UGT2B28: variants seen among roughly 807,000 people sequenced by gnomAD.
The protein encoded by UGT2B28 is UDP-glucuronosyltransferase 2B28.
UGT2B28 carries 45 observed loss-of-function variants against 43.6 expected under a neutral mutation model. The ratio of observed to expected loss-of-function variants is 1.03; its 90% CI spans 0.81 to 1.32. The LOEUF is 1.32. Ranked by LOEUF, UGT2B28 falls within the 40% of genes most tolerant of loss-of-function variation. The probability of loss-of-function intolerance (pLI) is 0.00; values close to 1 mark genes in which losing one functional copy is unlikely to be tolerated. For missense variants in UGT2B28, 649 were observed against 625.5 expected (o/e 1.04, Z -0.40); for synonymous variants, 204 against 208.1 (o/e 0.98, Z 0.17).
At position 69,290,583 on chromosome 4, in the gene UGT2B28, C is replaced by G; in HGVS notation, c.1091-9C>G. ...ATGAATAATTTTGCTAAAATTCATC[C>G]AATCCTAGGTCTTCCAAAAACCAGA... On this transcript the variant is annotated splice_polypyrimidine_tract_variant and intron_variant, in intron 4 of 5. Coordinates refer to ENST00000335568, the MANE Select transcript of UGT2B28 (RefSeq NM_053039.2). 6.5e-7 allele frequency: 1 copy of G among 1,542,826 alleles called. No individual in the cohort carries two copies. Among genetic ancestry groups the G allele is most frequent in the Non-Finnish European group, 8.7e-7 (1 of 1,143,570 alleles).
chr4:69,286,895 T>G lies in UGT2B28; in HGVS notation c.1002+12T>G, dbSNP rs202074826. The G allele has an allele frequency of 3.1e-4, 488 of 1,549,724 alleles. 55 individuals carry two copies. The highest frequency in any genetic ancestry group is 3.5e-4 in the Non-Finnish European group (398 of 1,150,832). On this transcript the variant is annotated intron_variant, in intron 3 of 5. Transcript: ENST00000335568. Reference sequence around the variant, plus strand: ...AGATCCCACAAAAGGTAAGATAAAGTGCCTTACTGGTGTGGAAAACTACTG... The same window carrying G: ...AGATCCCACAAAAGGTAAGATAAAGGGCCTTACTGGTGTGGAAAACTACTG...
chr4:69,285,430 G>T (rs1449896261), intron 2 of UGT2B28, among the ~76,000 whole-genome samples: 1 of 139,040 alleles, frequency 7.2e-6, no homozygotes, highest in South Asian at 2.4e-4. Flanking sequence ...CTTCAACACT[G>T]GGTAGAAAAA....
At chr4:69,281,420 T>C (rs551933809) in intron 1 of UGT2B28, among the ~76,000 whole-genome samples, 199 bp downstream of exon 1, 6 of 140,524 alleles carry the variant, frequency 4.3e-5, no homozygotes, top group Admixed American at 3.6e-4. Flanking sequence ...CCTGTGGCCA[T>C]CACTCATACA....
rs1189515458 is a variant in UGT2B28, at chr4:69,280,653, T to A, written c.153T>A (p.His51Gln). The A allele has an allele frequency of 1.4e-5, 22 of 1,561,554 alleles. 2 individuals are homozygous for A. The highest frequency in any genetic ancestry group is 1.9e-5 in the Non-Finnish European group (22 of 1,156,246). ...TILKELVQRG[H>Q]EVTVLASSAS... ...TGAAAGAGCTTGTTCAGAGAGGTCA[T>A]GAGGTGACTGTACTGGCATCTTCAG... The change falls in exon 1 of 6, where the codon CAT (histidine) becomes CAA (glutamine). Residue 51 changes from histidine (H) to glutamine (Q), a missense_variant. Coordinates refer to ENST00000335568, the MANE Select transcript of UGT2B28 (RefSeq NM_053039.2).
intron 5 of UGT2B28, among the ~76,000 whole-genome samples, chr4:69,293,065 C>T (rs1261042610): frequency 2.9e-5 from 4 of 140,250 alleles, no homozygotes; most frequent in Non-Finnish European, 6.1e-5. Context: ...ATCTATTCAT[C>T]GTAAAATGAA....
chr4:69,290,353 C>T lies in UGT2B28; in HGVS notation c.1091-239C>T, dbSNP rs1330591347. On this transcript the variant is annotated intron_variant, in intron 4 of 5. Transcript: ENST00000335568. ...GTGCACATTTAAAAAATCTAGAATGCACTTTTCATTAGTCCCGCTGAAAAT... is the reference window on the plus strand; with the variant it reads ...GTGCACATTTAAAAAATCTAGAATGTACTTTTCATTAGTCCCGCTGAAAAT... Among the ~76,000 whole-genome samples the T allele has an allele frequency of 1.4e-5, 2 of 139,912 alleles. 1 individual carries two copies. The highest frequency in any genetic ancestry group is 3.0e-5 in the Non-Finnish European group (2 of 65,696). The allele number at this position is 139,912 out of a possible 152,430, so 91.8% of individuals were successfully genotyped here.
chr4:69,291,302 CAG>C (rs1180506626), intron 5 of UGT2B28, among the ~76,000 whole-genome samples: 1 of 139,976 alleles, frequency 7.1e-6, no homozygotes, highest in African/African-American at 2.8e-5. Context: ...ACTATGTTTA[CAG>C]AGTCATGAAA....
At chr4:69,282,036 T>C (rs536540897) in intron 1 of UGT2B28, among the ~76,000 whole-genome samples, 5 of 140,202 alleles carry the variant, frequency 3.6e-5, no homozygotes, top group South Asian at 2.4e-4. Flanking sequence ...ATTTCTGCCA[T>C]ACTCTCAAAA....
chr4:69,292,659 T>C (rs1361962275), intron 5 of UGT2B28, among the ~76,000 whole-genome samples: 1 of 139,898 alleles, frequency 7.1e-6, no homozygotes, highest in African/African-American at 2.8e-5. Flanking sequence ...TACACATATA[T>C]GTATTGTATA....
At chr4:69,291,130 T>G (rs1321281981) in intron 5 of UGT2B28, among the ~76,000 whole-genome samples, 2 of 140,690 alleles carry the variant, frequency 1.4e-5, no homozygotes, top group Admixed American at 7.1e-5. Flanking sequence ...ACTTGAAATA[T>G]TATAAAATGT....
At chr4:69,286,931 T>C in intron 3 of UGT2B28, 48 bp downstream of exon 3, 5 of 1,444,222 alleles carry the variant, frequency 3.5e-6, no homozygotes, top group Non-Finnish European at 4.5e-6. Flanking sequence ...AAAGAGGCTG[T>C]TAAAGTTTGA....
At chr4:69,284,537 A>C (rs973024357) in intron 2 of UGT2B28, among the ~76,000 whole-genome samples, 2 of 140,268 alleles carry the variant, frequency 1.4e-5, no homozygotes, top group Admixed American at 7.2e-5. Context: ...CTAATGAAAA[A>C]TCTGCGCCAC....
chr4:69,290,055 C>T (rs1165886745), intron 4 of UGT2B28, among the ~76,000 whole-genome samples: 1 of 140,010 alleles, frequency 7.1e-6, no homozygotes, highest in Non-Finnish European at 1.5e-5. Flanking sequence ...AACTTTACAC[C>T]TGTTTTCTCC....
At chr4:69,282,457 G>C in intron 1 of UGT2B28, 57 bp from the exon 2 acceptor site, 4 of 1,492,116 alleles carry the variant, frequency 2.7e-6, no homozygotes, top group Non-Finnish European at 3.5e-6. Flanking sequence ...CTTTCAGAAA[G>C]TTATGTAAAG....
intron 2 of UGT2B28, 122 bp from the exon 3 acceptor site, chr4:69,286,630 T>C: frequency 7.5e-7 from 1 of 1,336,834 alleles, no homozygotes; most frequent in Non-Finnish European, 9.9e-7. Context: ...AGTTAAAAAA[T>C]ATTATTTACT....
Position 69,286,804 on chromosome 4 carries a change from C to G in UGT2B28, c.923C>G (p.Ser308Cys). The change falls in exon 3 of 6, where the codon TCT becomes TGT. Residue 308 changes from serine (S) to cysteine (C), a missense_variant. Transcript: ENST00000335568. ...SSGENGVVVF[S>C]LGSVISNMTA... is the part of the protein sequence containing the mutation. ...GGTGAAAATGGTGTTGTGGTGTTTTCTCTGGGGTCAGTGATAAGTAACATG... is the reference window on the plus strand; with the variant it reads ...GGTGAAAATGGTGTTGTGGTGTTTTGTCTGGGGTCAGTGATAAGTAACATG... The G allele has an allele frequency of 6.4e-7, 1 of 1,556,568 alleles. No homozygotes were observed. Among genetic ancestry groups the G allele is most frequent in the Non-Finnish European group, 8.7e-7 (1 of 1,154,562 alleles).
chr4:69,290,931 C>A, intron 5 of UGT2B28, 120 bp downstream of exon 5: 1 of 1,264,322 alleles, frequency 7.9e-7, no homozygotes, highest in Admixed American at 2.9e-5. Context: ...AATGATTTAA[C>A]CAATCTGAAA....
At chr4:69,288,439 T>A (rs1577995281) in intron 3 of UGT2B28, among the ~76,000 whole-genome samples, 1 of 139,848 alleles carries the variant, frequency 7.2e-6, no homozygotes, top group South Asian at 2.4e-4. Flanking sequence ...ATATTACAAT[T>A]AAATTTGGAG....
rs1723590918 is a variant in UGT2B28 at position 69,281,055 on chromosome 4, A to G, written c.555A>G (p.Gly185=). ...GCTACACAATTGAAAGGCACAGTGG[A>G]GGACTGATTTTCCCTCCTTCCTACA... is the stretch of plus-strand genomic sequence containing the variant. ...TPGYTIERHS[G]GLIFPPSYIP... is the part of the protein sequence containing the mutation. The change falls in exon 1 of 6, where the codon GGA becomes GGG. Residue 185 remains glycine, a synonymous_variant. Transcript: ENST00000335568. The G allele has an allele frequency of 6.4e-7, 1 of 1,559,600 alleles. No individual in the cohort carries two copies. Among genetic ancestry groups the G allele is most frequent in the Non-Finnish European group, 8.7e-7 (1 of 1,155,326 alleles).
Sources: allele counts gnomAD v4.1 joint callset (sites outside exome capture counted in the v4.1 genomes callset), GRCh38; gene constraint gnomAD v4.1.1; transcripts MANE v1.5; gene names NCBI Gene and HGNC (gene_info 2026-07-23, HGNC 2026-07-21).